Variants in STK3 observed in about 807,000 individuals in gnomAD.
The protein encoded by STK3 is serine/threonine kinase 3.
Under a neutral mutation model 58.0 loss-of-function variants are expected in STK3, and 41 were observed. The ratio of observed to expected loss-of-function variants is 0.71; its 90% CI spans 0.55 to 0.92. The LOEUF (loss-of-function observed/expected upper bound fraction) is 0.92, where lower values mean the gene tolerates loss of function less well. Ranked by LOEUF, STK3 falls within the 40% of genes least tolerant of loss-of-function variation. The probability of loss-of-function intolerance (pLI) is 0.00; values close to 1 mark genes in which losing one functional copy is unlikely to be tolerated. For missense variants in STK3, 479 were observed against 602.7 expected (o/e 0.79, Z 2.15); for synonymous variants, 170 against 191.0 (o/e 0.89, Z 0.91).
At chr8:98,451,494 C>T (rs2131121327), downstream of STK3, among the ~76,000 whole-genome samples, 1 of 152,178 alleles carries the variant, frequency 6.6e-6, no homozygotes, top group South Asian at 2.1e-4. Context: ...AGCAGAAAAG[C>T]AATTAAAAAA....
intron 8 of STK3, among the ~76,000 whole-genome samples, chr8:98,562,676 G>T (rs1182594060): frequency 7.5e-6 from 1 of 133,460 alleles, no homozygotes; most frequent in African/African-American, 2.8e-5. Context: ...AGGATCCCTC[G>T]AGACCAGGAG....
intron 10 of STK3, among the ~76,000 whole-genome samples, chr8:98,498,249 A>C (rs1823298865): frequency 6.6e-6 from 1 of 152,096 alleles, no homozygotes; most frequent in African/African-American, 2.4e-5. Flanking sequence ...AATGCCTATC[A>C]TCAAGTTCTT....
At chr8:98,470,971 G>A (rs897100013) in intron 10 of STK3, among the ~76,000 whole-genome samples, 6 of 152,188 alleles carry the variant, frequency 3.9e-5, no homozygotes, top group African/African-American at 1.4e-4. Context: ...AAAATTAAAT[G>A]ATCCTAAATC....
chr8:98,813,001 G>A (rs185094130), intron 1 of STK3, among the ~76,000 whole-genome samples: 30 of 148,870 alleles, frequency 2.0e-4, no homozygotes, highest in African/African-American at 6.0e-4. Flanking sequence ...AAACCTGCAC[G>A]TTGTGCACAT....
chr8:98,438,188 C>T (rs1453336275), intron 1 of STK3: 2 of 152,114 alleles, frequency 1.3e-5, no homozygotes, highest in Non-Finnish European at 1.5e-5. Context: ...TTACAAAGCC[C>T]TCCTGTGTGT....
intron 3 of STK3, among the ~76,000 whole-genome samples, chr8:98,863,309 T>G (rs904200835): frequency 6.6e-6 from 1 of 152,210 alleles, no homozygotes; most frequent in Non-Finnish European, 1.5e-5. Context: ...GGAAGGGCAG[T>G]ACAACATTGA....
intron 8 of STK3, 58 bp downstream of exon 8, chr8:98,579,604 CAG>C: frequency 6.4e-7 from 1 of 1,556,258 alleles, no homozygotes; most frequent in Non-Finnish European, 8.7e-7. Flanking sequence ...TATATTTTAA[CAG>C]AATTACAGAC....
chr8:98,745,623 G>T (rs1477386633), intron 4 of STK3, among the ~76,000 whole-genome samples: 1 of 151,970 alleles, frequency 6.6e-6, no homozygotes, highest in Non-Finnish European at 1.5e-5. Flanking sequence ...TTCCCCAAGA[G>T]GCATCTATCA....
At chr8:98,659,560 TATA>T (rs1466831737) in intron 6 of STK3, among the ~76,000 whole-genome samples, 6 of 151,910 alleles carry the variant, frequency 3.9e-5, no homozygotes. Flanking sequence ...GTTGAAAAGT[TATA>T]ATGTCACAAG....
At chr8:98,734,749 C>A (rs1044079068) in intron 4 of STK3, among the ~76,000 whole-genome samples, 3 of 151,754 alleles carry the variant, frequency 2.0e-5, no homozygotes, top group East Asian at 1.9e-4. Flanking sequence ...TAAAAAATTT[C>A]TTCATGGGAA....
At position 98,556,358 on chromosome 8, in the gene STK3, TG is replaced by T. The variant is rs202208279; in HGVS notation, c.949-8198del. ...CTCAGAGATAAAATCTAGCCAAACG[TG>T]AACTCACTATCCCAAAGATAAATAC... is the stretch of plus-strand genomic sequence containing the variant. On this transcript the variant is annotated intron_variant, in intron 8 of 10. Coordinates refer to ENST00000419617, the MANE Select transcript of STK3 (RefSeq NM_006281.4). 8.9e-3 allele frequency among the ~76,000 whole-genome samples: 1,359 copies of T among 152,124 alleles called. 15 individuals carry two copies. The highest frequency in any genetic ancestry group is 0.014 in the Non-Finnish European group (973 of 67,974).
At chr8:98,740,415 C>A (rs970100940) in intron 4 of STK3, among the ~76,000 whole-genome samples, 11 of 152,166 alleles carry the variant, frequency 7.2e-5, no homozygotes, top group African/African-American at 2.7e-4. Context: ...ACTCTACAAG[C>A]CAGAAGACAG....
At chr8:98,715,507 T>C (rs1207542034) in intron 4 of STK3, among the ~76,000 whole-genome samples, 1 of 151,780 alleles carries the variant, frequency 6.6e-6, no homozygotes, top group Non-Finnish European at 1.5e-5. Context: ...AAGACACTTA[T>C]GCAGCCAAAA....
intron 1 of STK3, among the ~76,000 whole-genome samples, chr8:98,783,507 T>C (rs1832253538): frequency 1.3e-5 from 2 of 152,354 alleles, no homozygotes; most frequent in East Asian, 1.9e-4. Flanking sequence ...ATCTTTTTGC[T>C]GGTGGAGAAT....
chr8:98,794,576 G>A (rs115909742), intron 1 of STK3, among the ~76,000 whole-genome samples: 1,919 of 152,094 alleles, frequency 0.013, 46 homozygotes, highest in African/African-American at 0.044. Context: ...ATTTACAGCC[G>A]AATTCTATCA....
intron 1 of STK3, among the ~76,000 whole-genome samples, chr8:98,926,052 A>G (rs1277926830): frequency 1.3e-5 from 2 of 152,206 alleles, no homozygotes; most frequent in African/African-American, 4.8e-5. Flanking sequence ...ATGAGAAGGA[A>G]GTGAATAATT....
chr8:98,453,999 C>G (rs1819321088), downstream of STK3, among the ~76,000 whole-genome samples: 1 of 152,130 alleles, frequency 6.6e-6, no homozygotes, highest in Admixed American at 6.5e-5. Context: ...TTTTAATAAT[C>G]TTTGTATGTT....
rs1445675122 is a variant in STK3 at position 98,428,594 on chromosome 8, C to T, written n.483+5533G>A. 3 of 1,614,014 alleles carry T rather than the reference C, an allele frequency of 1.9e-6. No individual in the cohort carries two copies. Among genetic ancestry groups the T allele is most frequent in the Non-Finnish European group, 2.5e-6 (3 of 1,180,042 alleles). Reference sequence around the variant, plus strand: ...TGATGGGGTCCATCATCACCATGTGCCTCAATAGCCTGCCCGATTTCCAAA... The same window carrying T: ...TGATGGGGTCCATCATCACCATGTGTCTCAATAGCCTGCCCGATTTCCAAA... On this transcript the variant is annotated intron_variant and non_coding_transcript_variant, in intron 3 of 3. Transcript: ENST00000517832. The surrounding 1 kb of genome is among the most constrained non-coding windows in gnomAD (Gnocchi z 6.7).
chr8:98,480,782 C>T (rs1821786355), intron 10 of STK3, among the ~76,000 whole-genome samples: 2 of 152,266 alleles, frequency 1.3e-5, no homozygotes, highest in African/African-American at 4.8e-5. Flanking sequence ...TAATAATAGT[C>T]TACTACATCA....
Sources: allele counts gnomAD v4.1 joint callset (sites outside exome capture counted in the v4.1 genomes callset), GRCh38; gene constraint gnomAD v4.1.1; non-coding constraint Gnocchi (gnomAD v3.1); transcripts MANE v1.5; gene names NCBI Gene and HGNC (gene_info 2026-07-23, HGNC 2026-07-21).